The following C12orf42 variants were observed in gnomAD, a reference collection of about 807,000 sequenced individuals.
The protein encoded by C12orf42 is uncharacterized protein C12orf42.
C12orf42 carries 25 observed loss-of-function variants against 21.6 expected under a neutral mutation model. The observed-to-expected ratio is 1.16, with a 90% CI of 0.84 to 1.62. The LOEUF is 1.62. Ranked by LOEUF, C12orf42 falls within the 40% of genes most tolerant of loss-of-function variation. C12orf42 has a pLI of 0.00. For synonymous variants in C12orf42, 174 were observed against 175.0 expected, an observed-to-expected ratio of 0.99 and a Z score of 0.05; for missense variants, 483 against 459.3, an observed-to-expected ratio of 1.05 and a Z score of -0.47.
At chr12:103,114,316 A>G in the C12orf42 span, among the ~76,000 whole-genome samples, 355 of 152,354 alleles carry the variant, frequency 2.3e-3, 2 homozygotes, top group African/African-American at 8.4e-3. Context: ...TTTGTGGTGC[A>G]CGGGAAGCGT....
At chr12:103,417,307 T>C (rs1010858947) in intron 2 of C12orf42, among the ~76,000 whole-genome samples, 25 of 152,316 alleles carry the variant, frequency 1.6e-4, no homozygotes, top group African/African-American at 5.8e-4. Context: ...TCTTCTCTCA[T>C]ATTGCTCTCA....
chr12:103,439,972 G>C (rs1308102306), intron 2 of C12orf42, among the ~76,000 whole-genome samples: 1 of 149,286 alleles, frequency 6.7e-6, no homozygotes, highest in African/African-American at 2.5e-5. Flanking sequence ...TGTTTATTGT[G>C]GCATTATTCA....
At chr12:103,463,145 A>G (rs1952855789) in intron 2 of C12orf42, among the ~76,000 whole-genome samples, 1 of 152,240 alleles carries the variant, frequency 6.6e-6, no homozygotes. Flanking sequence ...AACACATAGT[A>G]AGTGCTTAGT....
chr12:103,348,014 C>T (rs1010769110), intron 4 of C12orf42, among the ~76,000 whole-genome samples: 1 of 152,130 alleles, frequency 6.6e-6, no homozygotes, highest in Non-Finnish European at 1.5e-5. Context: ...CCTATGATTA[C>T]TACTGTATGA....
chr12:103,089,277 C>T, the C12orf42 span, among the ~76,000 whole-genome samples: 14 of 152,172 alleles, frequency 9.2e-5, no homozygotes, highest in African/African-American at 3.4e-4. Context: ...AGCTCCTGAG[C>T]TTCTGGCCTA....
the C12orf42 span, chr12:103,164,560 G>A: frequency 2.3e-6 from 1 of 427,962 alleles, no homozygotes; most frequent in Admixed American, 2.5e-5. Context: ...CAGGGGGTGG[G>A]TGCCAGTATA....
At chr12:103,413,612 G>C (rs543216633) in intron 2 of C12orf42, among the ~76,000 whole-genome samples, 4 of 152,154 alleles carry the variant, frequency 2.6e-5, no homozygotes, top group Non-Finnish European at 4.4e-5. Context: ...TCAGTGTGTA[G>C]TCTTTTATCC....
intron 1 of C12orf42, among the ~76,000 whole-genome samples, chr12:103,485,531 G>A (rs888917075): frequency 2.6e-5 from 4 of 152,040 alleles, no homozygotes; most frequent in Non-Finnish European, 5.9e-5. Flanking sequence ...AGCTTGATGG[G>A]GATAGCACTG....
At chr12:103,396,443 C>T (rs1209419384) in intron 3 of C12orf42, 1 of 152,158 alleles carries the variant, frequency 6.6e-6, no homozygotes, top group East Asian at 1.9e-4. Flanking sequence ...CAGGTAGTAT[C>T]TTTATAGCAG....
At chr12:103,065,172 C>T in the C12orf42 span, among the ~76,000 whole-genome samples, 228 of 152,276 alleles carry the variant, frequency 1.5e-3, no homozygotes, top group Admixed American at 3.3e-3. Context: ...ACAGAGGTGG[C>T]GATTCCCACC....
the C12orf42 span, among the ~76,000 whole-genome samples, chr12:103,077,182 T>C: frequency 6.6e-6 from 1 of 152,186 alleles, no homozygotes; most frequent in African/African-American, 2.4e-5. Flanking sequence ...TAAAGATAAT[T>C]GAAGATATAA....
intron 3 of C12orf42, among the ~76,000 whole-genome samples, chr12:103,376,802 A>T (rs910799266): frequency 6.6e-6 from 1 of 152,134 alleles, no homozygotes; most frequent in African/African-American, 2.4e-5. Context: ...AGCAAGCCAT[A>T]TCAATCTGGA....
chr12:103,214,881 C>T, the C12orf42 span, among the ~76,000 whole-genome samples: 1 of 152,154 alleles, frequency 6.6e-6, no homozygotes, highest in African/African-American at 2.4e-5. Flanking sequence ...GACCTCTTTA[C>T]TTACCTTTCC....
At chr12:103,128,244 A>G in the C12orf42 span, among the ~76,000 whole-genome samples, 7 of 152,210 alleles carry the variant, frequency 4.6e-5, no homozygotes, top group African/African-American at 1.7e-4. Flanking sequence ...AATAGAGGAA[A>G]GAAAAAGCAA....
At chr12:103,354,335 A>G (rs541800829) in intron 4 of C12orf42, among the ~76,000 whole-genome samples, 55 of 152,138 alleles carry the variant, frequency 3.6e-4, no homozygotes, top group Non-Finnish European at 6.3e-4. Context: ...TAGCCCAAGT[A>G]AAAGAGATCT....
At chr12:103,061,612 T>C in the C12orf42 span, among the ~76,000 whole-genome samples, 3 of 152,072 alleles carry the variant, frequency 2.0e-5, no homozygotes, top group Admixed American at 6.6e-5. Flanking sequence ...CTGGCCCTTT[T>C]ATTAATACAA....
the C12orf42 span, among the ~76,000 whole-genome samples, chr12:103,209,010 C>G: frequency 4.6e-5 from 7 of 152,092 alleles, no homozygotes; most frequent in Non-Finnish European, 8.8e-5. Context: ...CCAATTTCAT[C>G]AAAAAACTTC....
At chr12:103,333,905 T>A (rs1032671048) in intron 4 of C12orf42, among the ~76,000 whole-genome samples, 1 of 152,202 alleles carries the variant, frequency 6.6e-6, no homozygotes, top group African/African-American at 2.4e-5. Flanking sequence ...TCATATTTAC[T>A]ACAAGAACCA....
At chr12:103,390,861 C>A (rs147018279) in intron 3 of C12orf42, among the ~76,000 whole-genome samples, 1 of 152,152 alleles carries the variant, frequency 6.6e-6, no homozygotes, top group East Asian at 1.9e-4. Flanking sequence ...TTAGATGATG[C>A]CCACCCCCAT....
Sources: allele counts gnomAD v4.1 joint callset (sites outside exome capture counted in the v4.1 genomes callset), GRCh38; gene constraint gnomAD v4.1.1; transcripts MANE v1.5; gene names NCBI Gene and HGNC (gene_info 2026-07-23, HGNC 2026-07-21).